Variants in HERC2 observed in about 807,000 individuals in gnomAD.
The protein encoded by HERC2 is HECT and RLD domain containing E3 ubiquitin protein ligase 2.
A neutral mutation model predicts 537.7 loss-of-function variants in HERC2; 102 were observed. The observed-to-expected ratio is 0.19, with a 90% CI of 0.16 to 0.22. The LOEUF (loss-of-function observed/expected upper bound fraction) is 0.22, where lower values mean the gene tolerates loss of function less well. Among genes scored for constraint, HERC2 ranks in the 10% least tolerant of loss-of-function variants. HERC2 has a pLI of 1.00. For synonymous variants in HERC2, 2,224 were observed against 2,466.2 expected (o/e 0.90, Z 2.91); for missense variants, 4,236 against 6,198.2 (o/e 0.68, Z 10.63).
rs1901444537 is a variant in HERC2, at chr15:28,228,262, T to C, written c.5420A>G (p.Asn1807Ser). The C allele has an allele frequency of 1.2e-6, 2 of 1,613,560 alleles. No individual in the cohort carries two copies. Among genetic ancestry groups the C allele is most frequent in the South Asian group, 1.1e-5 (1 of 91,064 alleles). ...CTGCGTGAGGGCCAGCATGCCGGAATTGAGCAGAAGGTCGAGGTTGTTTGC... is the reference window on the plus strand; with the variant it reads ...CTGCGTGAGGGCCAGCATGCCGGAACTGAGCAGAAGGTCGAGGTTGTTTGC... The part of the protein sequence containing the change: ...HGANNLDLLL[N>S]SGMLALTQTA... The change falls in exon 35 of 93, where the codon AAT becomes AGT. Residue 1807 changes from asparagine to serine, a missense_variant. By Grantham distance (46) the Asn-to-Ser change is conservative. Around this residue, in one of 27 missense-constraint regions of HERC2, gnomAD observed 343 missense variants for 417.2 expected, o/e 0.82. Transcript: ENST00000261609.
Position 28,122,660 on chromosome 15 carries a change from T to C in HERC2, c.13189-1231A>G, listed in dbSNP as rs1434614176. ...TCCTGGAGAGTCCATTTTGGTGCTC[T>C]GGACCGGGAGTAGTAACACCCACTC... On this transcript the variant is annotated intron_variant, in intron 85 of 92. Coordinates refer to ENST00000261609, the MANE Select transcript of HERC2 (RefSeq NM_004667.6). This position sits in a 1 kb window ranked among gnomAD's most constrained non-coding sequence, Gnocchi z 4.1. Among the ~76,000 whole-genome samples, 1 of 152,146 alleles carries C rather than the reference T, an allele frequency of 6.6e-6. No individual in the cohort carries two copies. Among genetic ancestry groups the C allele is most frequent in the Non-Finnish European group, 1.5e-5 (1 of 68,008 alleles).
intron 69 of HERC2, among the ~76,000 whole-genome samples, chr15:28,159,697 G>A (rs1213790314): frequency 1.3e-5 from 2 of 152,206 alleles, no homozygotes; most frequent in Non-Finnish European, 2.9e-5. Flanking sequence ...TTAGCTCGGA[G>A]AAGTTTGATC....
At chr15:28,114,114 G>A (rs1324354663) in intron 90 of HERC2, among the ~76,000 whole-genome samples, 1 of 152,216 alleles carries the variant, frequency 6.6e-6, no homozygotes, top group Non-Finnish European at 1.5e-5. Flanking sequence ...GCCACACGGG[G>A]CCTCACCCAG....
rs150090772 is a variant in HERC2 at position 28,258,080 on chromosome 15, C to A, written c.2317-819G>T. ...TTAACAAATTTAAAAGAAATGAAAT[C>A]ATATACAGTTTGTTCTCCAATCACA... On this transcript the variant is annotated intron_variant, in intron 16 of 92. Transcript: ENST00000261609. Among the ~76,000 whole-genome samples, 543 of 152,262 alleles carry A rather than the reference C, an allele frequency of 3.6e-3. 6 individuals carry two copies. Among genetic ancestry groups the A allele is most frequent in the African/African-American group, 0.012 (517 of 41,544 alleles).
At chr15:28,273,280 C>T in intron 7 of HERC2, 1 of 484,256 alleles carries the variant, frequency 2.1e-6, no homozygotes, top group Non-Finnish European at 3.7e-6. Flanking sequence ...TAATTTATCT[C>T]ATTATCAAAA....
At position 28,204,117 on chromosome 15, in the gene HERC2, C is replaced by A. The variant is rs2525923; in HGVS notation, c.7213-1503G>T. On this transcript the variant is annotated intron_variant, in intron 45 of 92. Transcript: ENST00000261609. ...AAGAAAACTCCCCTTTCTCCAGAGG[C>A]GGCAGAACCCAGAGCCAATACAATG... Among the ~76,000 whole-genome samples the A allele has an allele frequency of 4.1e-4, 62 of 152,030 alleles. 3 individuals are homozygous for A. The highest frequency in any genetic ancestry group is 1.5e-3 in the African/African-American group (61 of 41,312).
chr15:28,213,707 C>T (rs750620862), intron 42 of HERC2, 35 bp downstream of exon 42: 36 of 1,612,656 alleles, frequency 2.2e-5, no homozygotes, highest in African/African-American at 1.3e-4. Flanking sequence ...GTCAATTTCC[C>T]TTATCATGCA....
At chr15:28,198,075 C>T (rs1041855542) in intron 50 of HERC2, among the ~76,000 whole-genome samples, 6 of 152,108 alleles carry the variant, frequency 3.9e-5, no homozygotes, top group Non-Finnish European at 8.8e-5. Context: ...CTTTCTCGAC[C>T]CCTCCCCCAA....
chr15:28,217,495 G>A (rs950383478), intron 38 of HERC2, among the ~76,000 whole-genome samples: 22 of 152,010 alleles, frequency 1.4e-4, no homozygotes, highest in African/African-American at 4.3e-4. Flanking sequence ...ACTGGAGGAC[G>A]CCCACATACC....
At chr15:28,195,713 A>G (rs1167409590) in intron 52 of HERC2, among the ~76,000 whole-genome samples, 1 of 152,068 alleles carries the variant, frequency 6.6e-6, no homozygotes, top group South Asian at 2.1e-4. Context: ...ATGGGTACAG[A>G]GTTTCTGATC....
In HERC2 at chr15:28,268,938, C is replaced by T. The variant is rs2075645006; in HGVS notation, c.1446+310G>A. ...ATGCCACGTCCCAATTTGCCACTAT[C>T]CCCACGAGGCCCAACTCCCTCACCT... is the stretch of plus-strand genomic sequence containing the variant. On this transcript the variant is annotated intron_variant, in intron 11 of 92. Transcript: ENST00000261609. The surrounding 1 kb of genome is among the most constrained non-coding windows in gnomAD (Gnocchi z 4.7). Among the ~76,000 whole-genome samples, 1 of 152,190 alleles carries T rather than the reference C, an allele frequency of 6.6e-6. No individual in the cohort carries two copies. Among genetic ancestry groups the T allele is most frequent in the Non-Finnish European group, 1.5e-5 (1 of 68,036 alleles).
chr15:28,255,905 T>A lies in HERC2; in HGVS notation c.2838A>T (p.Ser946=), dbSNP rs904382445. ...CTGCAGTAATGGCTGCGTGTAAGGC[T>A]GACTCCAACCCTCCATCAGCCATCA... is the stretch of plus-strand genomic sequence containing the variant. The part of the protein sequence containing the change: ...GSLMADGGLE[S]ALHAAITAEI... The change falls in exon 19 of 93, where the codon TCA becomes TCT. Residue 946 remains serine (S), a synonymous_variant. Transcript: ENST00000261609. 6.2e-7 allele frequency: 1 copy of A among 1,602,312 alleles called. No individual in the cohort carries two copies. Among genetic ancestry groups the A allele is most frequent in the Non-Finnish European group, 8.5e-7 (1 of 1,179,814 alleles).
At chr15:28,291,410 T>C (rs974920215) in intron 4 of HERC2, among the ~76,000 whole-genome samples, 22 of 152,048 alleles carry the variant, frequency 1.4e-4, no homozygotes, top group African/African-American at 5.3e-4. Context: ...TTTTTATATA[T>C]GTACATTTAC....
chr15:28,116,605 T>G (rs1405633113), intron 88 of HERC2, 60 bp downstream of exon 88: 12 of 1,451,050 alleles, frequency 8.3e-6, no homozygotes, highest in Non-Finnish European at 1.0e-5. Flanking sequence ...GATAGTACAT[T>G]TTAACTCAAG....
intron 65 of HERC2, among the ~76,000 whole-genome samples, chr15:28,171,634 CT>C (rs1227082235): frequency 2.6e-5 from 4 of 151,626 alleles, no homozygotes; most frequent in Non-Finnish European, 5.9e-5. Flanking sequence ...ATGAAGCTCA[CT>C]TTTTTTAAAA....
rs1200434399 is a variant in HERC2 at position 28,201,395 on chromosome 15, A to G, written c.7716+61T>C. On this transcript the variant is annotated intron_variant, in intron 48 of 92. Transcript: ENST00000261609. ...TCCACTGATGTTTGGCATATAGGAC[A>G]TACTCAAATATTTGCTGAATGAAAA... The G allele has an allele frequency of 4.6e-6, 5 of 1,080,172 alleles. No homozygotes were observed. The Admixed American group carries it at 5.1e-5, about 11-fold the overall frequency. The allele number at this position is 1,080,172 out of a possible 1,614,324, so 66.9% of individuals were successfully genotyped here.
intron 14 of HERC2, among the ~76,000 whole-genome samples, chr15:28,264,938 A>G (rs1253065146): frequency 6.6e-6 from 1 of 152,196 alleles, no homozygotes; most frequent in Admixed American, 6.5e-5. Flanking sequence ...ACAGGGAAGT[A>G]TCTAAAATGA....
chr15:28,169,720 C>T, intron 65 of HERC2, 65 bp from the exon 66 acceptor site: 1 of 1,512,298 alleles, frequency 6.6e-7, no homozygotes, highest in Non-Finnish European at 9.0e-7. Flanking sequence ...TCTATAAAAT[C>T]TGACCTTACA....
chr15:28,285,485 T>A (rs1270908310), intron 4 of HERC2, among the ~76,000 whole-genome samples: 3 of 152,062 alleles, frequency 2.0e-5, no homozygotes, highest in African/African-American at 7.2e-5. Context: ...TTTTAAAATA[T>A]ATTCTGAACT....
Sources: allele counts gnomAD v4.1 joint callset (sites outside exome capture counted in the v4.1 genomes callset), GRCh38; gene constraint gnomAD v4.1.1; regional missense constraint gnomAD v4.1.1; non-coding constraint Gnocchi (gnomAD v3.1); transcripts MANE v1.5; gene names NCBI Gene and HGNC (gene_info 2026-07-23, HGNC 2026-07-21).